Variants in CBFA2T2 observed in about 807,000 individuals in gnomAD.
The protein encoded by CBFA2T2 is CBFA2/RUNX1 partner transcriptional co-repressor 2.
CBFA2T2 carries 11 observed loss-of-function variants against 62.2 expected under a neutral mutation model. The ratio of observed to expected loss-of-function variants is 0.18; its 90% CI spans 0.11 to 0.29. CBFA2T2 has a LOEUF of 0.29. Ranked by LOEUF, CBFA2T2 falls within the 10% of genes least tolerant of loss-of-function variation. The probability of loss-of-function intolerance (pLI) is 1.00; values close to 1 mark genes in which losing one functional copy is unlikely to be tolerated. For synonymous variants in CBFA2T2, 295 were observed against 287.5 expected (o/e 1.03, Z -0.27); for missense variants, 592 against 774.1 (o/e 0.76, Z 2.79).
At chr20:33,565,648 G>A (rs2013278690) in intron 1 of CBFA2T2, among the ~76,000 whole-genome samples, 2 of 152,276 alleles carry the variant, frequency 1.3e-5, no homozygotes, top group South Asian at 4.1e-4. Context: ...AGTATTGCTT[G>A]CTACTGAGGT....
intron 10 of CBFA2T2, among the ~76,000 whole-genome samples, chr20:33,642,305 T>G (rs1463710923): frequency 6.6e-6 from 1 of 152,098 alleles, no homozygotes; most frequent in African/African-American, 2.4e-5. Context: ...CCTTTTTCTT[T>G]AGAATTGTTT....
intron 2 of CBFA2T2, among the ~76,000 whole-genome samples, chr20:33,607,849 C>T (rs1261254048): frequency 6.6e-6 from 1 of 152,120 alleles, no homozygotes; most frequent in East Asian, 1.9e-4. Flanking sequence ...GGCCAAGGCT[C>T]GGGCAGAATT....
At chr20:33,618,077 G>A (rs940718971) in intron 3 of CBFA2T2, among the ~76,000 whole-genome samples, 7 of 151,580 alleles carry the variant, frequency 4.6e-5, no homozygotes, top group Non-Finnish European at 7.4e-5. Flanking sequence ...GCCTTAATGC[G>A]TACAAATCTG....
At chr20:33,492,143 A>G (rs952901155) in intron 1 of CBFA2T2, among the ~76,000 whole-genome samples, 10 of 152,042 alleles carry the variant, frequency 6.6e-5, no homozygotes, top group African/African-American at 2.4e-4. Context: ...CAGCCTCTCA[A>G]AGTGCTGGGA....
chr20:33,526,687 G>A (rs1600930272), intron 1 of CBFA2T2, among the ~76,000 whole-genome samples: 4 of 151,812 alleles, frequency 2.6e-5, no homozygotes, highest in Middle Eastern at 3.4e-3. Context: ...ATACTGACAG[G>A]TTATTGTGGG....
chr20:33,639,462 T>C (rs2016744508), intron 9 of CBFA2T2: 1 of 151,936 alleles, frequency 6.6e-6, no homozygotes, highest in Non-Finnish European at 1.5e-5. Context: ...TAGTCCCAGC[T>C]ACTCAGGAGG....
intron 8 of CBFA2T2, among the ~76,000 whole-genome samples, chr20:33,634,957 C>A (rs1010239058): frequency 6.6e-6 from 1 of 152,162 alleles, no homozygotes; most frequent in Admixed American, 6.5e-5. Context: ...TTGTTAATAT[C>A]TCTGGTGAGA....
At position 33,513,816 on chromosome 20, in the gene CBFA2T2, G is replaced by GAA. The variant is rs11481160; in HGVS notation, c.34+23534_34+23535dup. 6.0e-3 allele frequency among the ~76,000 whole-genome samples: 669 copies of GAA among 111,332 alleles called. 10 individuals are homozygous for GAA. Among genetic ancestry groups the GAA allele is most frequent in the East Asian group, 0.024 (85 of 3,554 alleles). The allele number at this position is 111,332 out of a possible 152,430, so 73.0% of individuals were successfully genotyped here. On this transcript the variant is annotated intron_variant, in intron 1 of 10. Transcript: ENST00000342704. ...GTGACAGAGTAAGACTCTGTCCCAGGAAAAAAAAAAAAAAAAAAAAGAATG... is the reference window on the plus strand; with the variant it reads ...GTGACAGAGTAAGACTCTGTCCCAGGAAAAAAAAAAAAAAAAAAAAAAGAATG...
chr20:33,643,785 A>G (rs1568876628), intron 10 of CBFA2T2, among the ~76,000 whole-genome samples: 14 of 32,414 alleles, frequency 4.3e-4, no homozygotes, highest in Admixed American at 3.3e-3. Flanking sequence ...ATATATATAT[A>G]TATATATATA....
At chr20:33,591,438 C>T (rs2014622151) in intron 1 of CBFA2T2, among the ~76,000 whole-genome samples, 1 of 144,050 alleles carries the variant, frequency 6.9e-6, no homozygotes, top group African/African-American at 2.6e-5. Context: ...CCCACTACTG[C>T]ACTCCAGCCT....
intron 1 of CBFA2T2, among the ~76,000 whole-genome samples, chr20:33,556,069 G>A (rs1478772219): frequency 1.3e-5 from 2 of 152,176 alleles, no homozygotes; most frequent in African/African-American, 2.4e-5. Context: ...GTCTCACTAC[G>A]TTGCTCCGGC....
intron 1 of CBFA2T2, among the ~76,000 whole-genome samples, chr20:33,570,124 C>CA (rs1481864024): frequency 1.3e-5 from 2 of 152,078 alleles, no homozygotes; most frequent in Admixed American, 1.3e-4. Flanking sequence ...ACTAAAAATA[C>CA]AAAGAAACTA....
chr20:33,574,819 A>G (rs2013748265), intron 1 of CBFA2T2, among the ~76,000 whole-genome samples: 1 of 152,096 alleles, frequency 6.6e-6, no homozygotes, highest in African/African-American at 2.4e-5. Context: ...TGGAATGGAG[A>G]AGGGCAAAGG....
intron 6 of CBFA2T2, among the ~76,000 whole-genome samples, chr20:33,626,128 A>G (rs554424787): frequency 1.3e-4 from 20 of 152,110 alleles, no homozygotes; most frequent in Non-Finnish European, 2.8e-4. Context: ...AACAAAAAAC[A>G]AACAAAAAAA....
At chr20:33,516,241 G>A (rs553899685) in intron 1 of CBFA2T2, among the ~76,000 whole-genome samples, 11 of 152,236 alleles carry the variant, frequency 7.2e-5, no homozygotes, top group East Asian at 5.8e-4. Flanking sequence ...AGTCCGAGGC[G>A]GGCAGATCAC....
intron 1 of CBFA2T2, among the ~76,000 whole-genome samples, chr20:33,537,959 T>G (rs970044491): frequency 6.6e-6 from 1 of 152,042 alleles, no homozygotes; most frequent in Admixed American, 6.5e-5. Context: ...CTAGGTTCTT[T>G]GCATTTCCAA....
At chr20:33,520,568 C>T (rs918860514) in intron 1 of CBFA2T2, among the ~76,000 whole-genome samples, 2 of 152,032 alleles carry the variant, frequency 1.3e-5, no homozygotes, top group African/African-American at 4.8e-5. Flanking sequence ...GTCAGGAGTT[C>T]GAAACCAGCC....
At chr20:33,529,126 C>T (rs756123594) in intron 1 of CBFA2T2, among the ~76,000 whole-genome samples, 1 of 151,980 alleles carries the variant, frequency 6.6e-6, no homozygotes, top group East Asian at 1.9e-4. Context: ...ACCGGGTTTA[C>T]GCCATTCTCC....
At position 33,611,243 on chromosome 20, in the gene CBFA2T2, T is replaced by C; in HGVS notation, c.328T>C (p.Leu110=). 6.2e-7 allele frequency: 1 copy of C among 1,614,200 alleles called. No individual in the cohort carries two copies. The highest frequency in any genetic ancestry group is 8.5e-7 in the Non-Finnish European group (1 of 1,180,032). The change falls in exon 3 of 11, where the codon TTG becomes CTG. Residue 110 remains leucine (L), a synonymous_variant. Coordinates refer to ENST00000342704, the MANE Select transcript of CBFA2T2 (RefSeq NM_001032999.3). ...TTGTGGTGCTCGACAACTCAGCAAG[T>C]TGAAACGCTTTCTTACCACTCTGCA... ...ATCGARQLSK[L]KRFLTTLQQF... is the part of the protein sequence containing the mutation.
Sources: gnomAD v4.1 joint callset for allele counts (sites outside exome capture counted in the v4.1 genomes callset) on GRCh38, gnomAD v4.1.1 for gene constraint, MANE v1.5 for transcripts, NCBI Gene and HGNC (gene_info 2026-07-23, HGNC 2026-07-21) for gene names.